Variants in TBX3 observed in about 807,000 individuals in gnomAD.
The protein encoded by TBX3 is T-box transcription factor 3.
TBX3 carries 11 observed loss-of-function variants against 47.8 expected under a neutral mutation model. The observed-to-expected ratio is 0.23, with a 90% CI of 0.14 to 0.38. TBX3 has a LOEUF of 0.38. TBX3 is among the 10% of genes least tolerant of loss of function. TBX3 has a pLI of 1.00. For synonymous variants in TBX3, 500 were observed against 449.3 expected (o/e 1.11, Z -1.43); for missense variants, 927 against 1,022.8 (o/e 0.91, Z 1.28).
chr12:114,671,673 C>T lies in TBX3; in HGVS notation c.*168G>A, dbSNP rs1868431876. The T allele has an allele frequency of 6.2e-6, 5 of 806,760 alleles. No homozygotes were observed. The South Asian group carries it at 8.1e-5, about 13-fold the overall frequency. 50.0% of individuals were successfully genotyped at this position (806,760 alleles called of 1,614,324 possible). A position where few individuals can be genotyped will look rare whatever the true frequency, so the allele number is the denominator to read the frequency against. On this transcript the variant is annotated 3_prime_UTR_variant, in exon 7 of 7. Coordinates refer to ENST00000349155, the MANE Select transcript of TBX3 (RefSeq NM_005996.4). Reference sequence around the variant, plus strand: ...GGACATATAAACCACGCCAAGAAGACAGGGGCTGTCTCTAGCACATTCTCT... The same window carrying T: ...GGACATATAAACCACGCCAAGAAGATAGGGGCTGTCTCTAGCACATTCTCT...
At chr12:114,677,126 T>A (rs912957170) in intron 4 of TBX3, among the ~76,000 whole-genome samples, 2 of 152,158 alleles carry the variant, frequency 1.3e-5, no homozygotes, top group African/African-American at 4.8e-5. Context: ...TCTCCAGCTG[T>A]CTACGTAATG....
intron 2 of TBX3, chr12:114,680,272 ATCTACAAGCAAT>A: frequency 2.3e-6 from 1 of 435,084 alleles, no homozygotes; most frequent in Non-Finnish European, 4.2e-6. Flanking sequence ...TTTGCCTGAT[ATCTACAAGCAAT>A]GAAAGTTTTC....
chr12:114,674,551 T>C lies in TBX3; in HGVS notation c.1324A>G (p.Thr442Ala), dbSNP rs1480230095. Residue 442 changes from threonine (T) to alanine (A), a missense_variant, in exon 6 of 7, where the codon ACA becomes GCA. Transcript: ENST00000349155. Reference sequence around the variant, plus strand: ...GCCTCTTCCACCTTGGCCGGCGCTGTGCCCTCGCGAACCGGGCTCCTGCGC... The same window carrying C: ...GCCTCTTCCACCTTGGCCGGCGCTGCGCCCTCGCGAACCGGGCTCCTGCGC... Reference protein sequence around the residue: ...EERRSPVREGTAPAKVEEARA... With the variant: ...EERRSPVREGAAPAKVEEARA... The C allele has an allele frequency of 6.4e-7, 1 of 1,554,998 alleles. No homozygotes were observed. Among genetic ancestry groups the C allele is most frequent in the Non-Finnish European group, 8.7e-7 (1 of 1,154,438 alleles).
Position 114,682,680 on chromosome 12 carries a change from G to A in TBX3, c.389+132C>T, listed in dbSNP as rs1015453564. 29 of 1,386,054 alleles carry A rather than the reference G, an allele frequency of 2.1e-5. No homozygotes were observed. The Admixed American group carries it at 2.7e-4, about 13-fold the overall frequency. The allele number at this position is 1,386,054 out of a possible 1,614,324, so 85.9% of individuals were successfully genotyped here. ...ACCGGGGCAGGGCCTGGAAGTCTGT[G>A]CATACATTTCTAGGGGAACTAACTT... On this transcript the variant is annotated intron_variant, in intron 1 of 6. Coordinates refer to ENST00000349155, the MANE Select transcript of TBX3 (RefSeq NM_005996.4).
Position 114,671,654 on chromosome 12 carries a change from A to G in TBX3, c.*187T>C. On this transcript the variant is annotated 3_prime_UTR_variant, in exon 7 of 7. Coordinates refer to ENST00000349155, the MANE Select transcript of TBX3 (RefSeq NM_005996.4). ...AGAATCTGATCCAGATCCCGGACATATAAACCACGCCAAGAAGACAGGGGC... is the reference window on the plus strand; with the variant it reads ...AGAATCTGATCCAGATCCCGGACATGTAAACCACGCCAAGAAGACAGGGGC... The G allele has an allele frequency of 1.4e-6, 1 of 731,914 alleles. No individual in the cohort carries two copies. Among genetic ancestry groups the G allele is most frequent in the East Asian group, 2.7e-5 (1 of 36,948 alleles). 45.3% of individuals were successfully genotyped at this position (731,914 alleles called of 1,614,324 possible).
Position 114,670,949 on chromosome 12 carries a change from ACTT to A in TBX3, c.*889_*891del, listed in dbSNP as rs1215551312. ...CATAAATACTTTGTCTAATAGTCTC[ACTT>A]CTTTATTATTTTTTTAAAACCTTGT... On this transcript the variant is annotated 3_prime_UTR_variant, in exon 7 of 7. Coordinates refer to ENST00000349155, the MANE Select transcript of TBX3 (RefSeq NM_005996.4). The A allele has an allele frequency of 2.8e-5, 6 of 212,662 alleles. No homozygotes were observed. Among genetic ancestry groups the A allele is most frequent in the Admixed American group, 5.9e-5 (1 of 16,988 alleles). 13.2% of individuals were successfully genotyped at this position (212,662 alleles called of 1,614,324 possible).
rs1437119822 is a variant in TBX3, at chr12:114,670,826, A to G, written c.*1015T>C. The stretch of plus-strand genomic sequence containing the variant: ...AAGAACACAAAACCTGACAGTTGCA[A>G]TTCTATTTACACAGAGCTATGTACA... On this transcript the variant is annotated 3_prime_UTR_variant, in exon 7 of 7. Transcript: ENST00000349155. The G allele has an allele frequency of 4.6e-6, 1 of 215,810 alleles. No homozygotes were observed. The highest frequency in any genetic ancestry group is 7.0e-5 in the East Asian group (1 of 14,190). 13.4% of individuals were successfully genotyped at this position (215,810 alleles called of 1,614,324 possible). A position where few individuals can be genotyped will look rare whatever the true frequency, so the allele number is the denominator to read the frequency against.
At chr12:114,680,172 T>C in intron 2 of TBX3, 1 of 618,886 alleles carries the variant, frequency 1.6e-6, no homozygotes, top group Non-Finnish European at 2.9e-6. Flanking sequence ...CGCGTCTTCC[T>C]GGGCCTAATC....
chr12:114,675,974 G>A (rs556928794), intron 5 of TBX3, among the ~76,000 whole-genome samples: 10 of 152,222 alleles, frequency 6.6e-5, no homozygotes, highest in Non-Finnish European at 8.8e-5. Flanking sequence ...GAGAATGGGA[G>A]GAGAAAGAAA....
intron 1 of TBX3, among the ~76,000 whole-genome samples, chr12:114,681,983 G>T (rs571851886): frequency 2.6e-5 from 4 of 152,150 alleles, no homozygotes; most frequent in African/African-American, 9.7e-5. Context: ...ATATCATGAA[G>T]GGGATTTTAT....
Position 114,674,794 on chromosome 12 carries a change from TCTCGGC to T in TBX3, c.1075_1080del (p.Ala359_Glu360del), listed in dbSNP as rs1237767989. ...GCCTCGGGGCCATGCTCCTCTTTGC[TCTCGGC>T]CTCGGCGTCGCTCTCACCCTCGCTG... On this transcript the variant is annotated inframe_deletion, in exon 6 of 7. Transcript: ENST00000349155. The T allele has an allele frequency of 5.7e-6, 9 of 1,583,486 alleles. No individual in the cohort carries two copies. Among genetic ancestry groups the T allele is most frequent in the Middle Eastern group, 1.7e-4 (1 of 6,056 alleles).
At position 114,672,026 on chromosome 12, in the gene TBX3, A is replaced by T; in HGVS notation, c.1987T>A (p.Ser663Thr). ...TCAGAGCCCGAGTCCACTGCCACCG[A>T]GGCCGGGCTGGCGGCCAGGGCGGCG... ...KVAALAASPASVAVDSGSELN... is the reference protein window; with the variant it reads ...KVAALAASPATVAVDSGSELN... The change falls in exon 7 of 7, where the codon TCG (serine) becomes ACG (threonine). Residue 663 changes from serine (S) to threonine (T), a missense_variant. Physicochemically the swap from Ser to Thr is moderately conservative, Grantham distance 58. Around this residue, in one of 5 missense-constraint regions of TBX3, gnomAD observed 623 missense variants for 569.0 expected, o/e 1.09. Coordinates refer to ENST00000349155, the MANE Select transcript of TBX3 (RefSeq NM_005996.4). The T allele has an allele frequency of 1.3e-6, 2 of 1,590,490 alleles. No individual in the cohort carries two copies. Among genetic ancestry groups the T allele is most frequent in the Non-Finnish European group, 1.7e-6 (2 of 1,168,778 alleles).
chr12:114,673,183 G>A (rs1375584381), intron 6 of TBX3, among the ~76,000 whole-genome samples: 3 of 152,230 alleles, frequency 2.0e-5, no homozygotes, highest in African/African-American at 7.2e-5. Flanking sequence ...AGCCAGCAGA[G>A]GAGATGGGAG....
intron 2 of TBX3, chr12:114,680,617 C>A: frequency 3.5e-6 from 2 of 578,192 alleles, no homozygotes; most frequent in Non-Finnish European, 6.1e-6. Flanking sequence ...TAACTTCACT[C>A]TCAGGTCAGG....
In TBX3 at chr12:114,670,860, AAATT is replaced by A; in HGVS notation, c.*977_*980del. On this transcript the variant is annotated 3_prime_UTR_variant, in exon 7 of 7. Transcript: ENST00000349155. ...ACACAGAGCTATGTACAATGTCAAT[AAATT>A]AAAGTTTAATTTTCCAAGCATTCAT... The A allele has an allele frequency of 4.6e-6, 1 of 215,852 alleles. No homozygotes were observed. Among genetic ancestry groups the A allele is most frequent in the Non-Finnish European group, 9.3e-6 (1 of 107,080 alleles). 13.4% of individuals were successfully genotyped at this position (215,852 alleles called of 1,614,324 possible). A position where few individuals can be genotyped will look rare whatever the true frequency, so the allele number is the denominator to read the frequency against.
In TBX3 at chr12:114,681,001, C is replaced by T. The variant is rs754023417; in HGVS notation, c.535G>A (p.Glu179Lys). The change falls in exon 2 of 7, where the codon GAA (glutamate) becomes AAA (lysine). Residue 179 changes from glutamate to lysine, a missense_variant. Glu to Lys is a moderately conservative substitution (Grantham distance 56). Around this residue, in one of 5 missense-constraint regions of TBX3, gnomAD observed 216 missense variants for 281.2 expected, o/e 0.77. Coordinates refer to ENST00000349155, the MANE Select transcript of TBX3 (RefSeq NM_005996.4). The part of the protein sequence containing the change: ...RWMVAGKADP[E>K]MPKRMYIHPD... ...TGAATGTACATCCTCTTTGGCATTTCGGGGTCGGCCTTACCAGCCACCATC... is the reference window on the plus strand; with the variant it reads ...TGAATGTACATCCTCTTTGGCATTTTGGGGTCGGCCTTACCAGCCACCATC... 30 of 1,614,062 alleles carry T rather than the reference C, an allele frequency of 1.9e-5. No individual in the cohort carries two copies. The highest frequency in any genetic ancestry group is 2.5e-5 in the Non-Finnish European group (30 of 1,180,020).
chr12:114,676,165 C>T, intron 5 of TBX3, 148 bp downstream of exon 5: 1 of 1,025,600 alleles, frequency 9.8e-7, no homozygotes, highest in Non-Finnish European at 1.4e-6. Flanking sequence ...CCTGATAGCC[C>T]TTTTTGAACT....
chr12:114,672,231 G>A lies in TBX3; in HGVS notation c.1782C>T (p.Ala594=), dbSNP rs958925981. 9 of 1,574,106 alleles carry A rather than the reference G, an allele frequency of 5.7e-6. No individual in the cohort carries two copies. The highest frequency in any genetic ancestry group is 1.7e-4 in the Middle Eastern group (1 of 5,978). The change falls in exon 7 of 7, where the codon GCC becomes GCT. Residue 594 remains alanine (A), a synonymous_variant. Coordinates refer to ENST00000349155, the MANE Select transcript of TBX3 (RefSeq NM_005996.4). ...PYTYMAAAAA[A]SSAAASSSVH... ...CCGAGCTGGAGGCTGCCGCAGAGGAGGCGGCCGCCGCTGCGGCCATGTACG... is the reference window on the plus strand; with the variant it reads ...CCGAGCTGGAGGCTGCCGCAGAGGAAGCGGCCGCCGCTGCGGCCATGTACG...
At chr12:114,675,370 C>T (rs543347494) in intron 5 of TBX3, among the ~76,000 whole-genome samples, 2 of 152,294 alleles carry the variant, frequency 1.3e-5, no homozygotes, top group East Asian at 1.9e-4. Flanking sequence ...AATGGCAGAA[C>T]GGACACCTGT....
Sources: gnomAD v4.1 joint callset for allele counts (sites outside exome capture counted in the v4.1 genomes callset) on GRCh38, gnomAD v4.1.1 for gene constraint, gnomAD v4.1.1 regional missense constraint, MANE v1.5 for transcripts, NCBI Gene and HGNC (gene_info 2026-07-23, HGNC 2026-07-21) for gene names.